Variants in NCK1 observed in about 807,000 individuals in gnomAD.
The protein encoded by NCK1 is SH2/SH3 adapter protein NCK1.
NCK1 carries 19 observed loss-of-function variants against 36.6 expected under a neutral mutation model. The ratio of observed to expected loss-of-function variants is 0.52; its 90% CI spans 0.36 to 0.76. The LOEUF is 0.76. Among genes scored for constraint, NCK1 ranks in the 30% least tolerant of loss-of-function variants. The pLI is 0.00. For synonymous variants in NCK1, 165 were observed against 156.0 expected (o/e 1.06, Z -0.43); for missense variants, 358 against 445.6 (o/e 0.80, Z 1.77).
intron 1 of NCK1, among the ~76,000 whole-genome samples, chr3:136,885,341 C>G (rs919656551): frequency 4.6e-5 from 7 of 152,142 alleles, no homozygotes; most frequent in East Asian, 3.9e-4. Flanking sequence ...CAGCTGTAAT[C>G]TAGGGCACAT....
At chr3:136,898,881 G>A (rs1348857009) in intron 1 of NCK1, among the ~76,000 whole-genome samples, 1 of 152,204 alleles carries the variant, frequency 6.6e-6, no homozygotes, top group Admixed American at 6.5e-5. Flanking sequence ...TTCTTACAAA[G>A]CTCTCATTGA....
rs555658096 is a variant in NCK1 at position 136,906,161 on chromosome 3, A to G, written c.-18-21823A>G. Among the ~76,000 whole-genome samples the G allele has an allele frequency of 1.7e-3, 258 of 152,222 alleles. 1 individual carries two copies. Among genetic ancestry groups the G allele is most frequent in the African/African-American group, 5.2e-3 (217 of 41,530 alleles). The stretch of plus-strand genomic sequence containing the variant: ...GGCTTTGATTCTAGGTATGTGTCAT[A>G]GTGTAGTCTCTGTGTGTTTTCTTTC... On this transcript the variant is annotated intron_variant, in intron 1 of 3. Coordinates refer to ENST00000481752, the MANE Select transcript of NCK1 (RefSeq NM_001291999.2).
At chr3:136,895,134 C>T (rs1939356897) in intron 1 of NCK1, among the ~76,000 whole-genome samples, 1 of 152,168 alleles carries the variant, frequency 6.6e-6, no homozygotes, top group Admixed American at 6.6e-5. Context: ...CTCGGCCTCC[C>T]AAAGTGCTAG....
intron 1 of NCK1, among the ~76,000 whole-genome samples, chr3:136,884,809 C>T (rs1051175336): frequency 1.3e-5 from 2 of 151,630 alleles, no homozygotes; most frequent in African/African-American, 2.4e-5. Flanking sequence ...CAACCTCTGC[C>T]TCTTGAGTTC....
At chr3:136,882,575 G>C (rs1466132802) in intron 1 of NCK1, among the ~76,000 whole-genome samples, 1 of 151,950 alleles carries the variant, frequency 6.6e-6, no homozygotes, top group African/African-American at 2.4e-5. Context: ...GTGTGTGTGT[G>C]TGTGTGTGTG....
intron 1 of NCK1, among the ~76,000 whole-genome samples, chr3:136,869,835 T>C (rs1222493180): frequency 6.6e-6 from 1 of 152,152 alleles, no homozygotes; most frequent in African/African-American, 2.4e-5. Flanking sequence ...TTTCTATTTG[T>C]TTAAATTATC....
intron 1 of NCK1, among the ~76,000 whole-genome samples, chr3:136,886,885 C>T (rs995515967): frequency 6.7e-6 from 1 of 150,162 alleles, no homozygotes; most frequent in African/African-American, 2.5e-5. Context: ...CTCTTATTGC[C>T]CAGGCTGGAA....
intron 1 of NCK1, among the ~76,000 whole-genome samples, chr3:136,901,330 G>A (rs1471424064): frequency 6.8e-6 from 1 of 146,892 alleles, no homozygotes; most frequent in East Asian, 2.0e-4. Flanking sequence ...TTATCTCTGT[G>A]TTCATTAGGG....
intron 1 of NCK1, among the ~76,000 whole-genome samples, chr3:136,884,718 C>CTTTTT (rs72234296): frequency 6.9e-6 from 1 of 145,096 alleles, no homozygotes; most frequent in Non-Finnish European, 1.5e-5. Context: ...CATGCCTGAG[C>CTTTTT]TTTTTTTTTT....
At chr3:136,926,969 A>T (rs1235255029) in intron 1 of NCK1, among the ~76,000 whole-genome samples, 1 of 151,744 alleles carries the variant, frequency 6.6e-6, no homozygotes, top group Non-Finnish European at 1.5e-5. Context: ...TAATGTTTGT[A>T]TTTATTTATT....
intron 1 of NCK1, among the ~76,000 whole-genome samples, chr3:136,875,826 C>G (rs925285344): frequency 1.3e-5 from 2 of 150,404 alleles, no homozygotes; most frequent in African/African-American, 4.9e-5. Context: ...ACAGAACTCT[C>G]CACCCCAAAT....
chr3:136,945,540 T>G (rs767549636), intron 2 of NCK1, 43 bp from the exon 3 acceptor site: 19 of 1,364,016 alleles, frequency 1.4e-5, no homozygotes, highest in Non-Finnish European at 1.8e-5. Flanking sequence ...TTGGTAATCA[T>G]TTTTTTATAT....
At chr3:136,872,834 T>C (rs1938664338) in intron 1 of NCK1, among the ~76,000 whole-genome samples, 1 of 152,158 alleles carries the variant, frequency 6.6e-6, no homozygotes, top group South Asian at 2.1e-4. Flanking sequence ...TTGGTGTTGA[T>C]GCTGCAATGT....
chr3:136,884,251 C>T (rs1455619220), intron 1 of NCK1, among the ~76,000 whole-genome samples: 2 of 152,006 alleles, frequency 1.3e-5, no homozygotes, highest in African/African-American at 4.8e-5. Context: ...GGTAAGGAAA[C>T]CAGCAGTTTC....
At chr3:136,889,540 C>T (rs7631017) in intron 1 of NCK1, among the ~76,000 whole-genome samples, 3 of 151,808 alleles carry the variant, frequency 2.0e-5, no homozygotes, top group Admixed American at 6.6e-5. Flanking sequence ...GAAGGGGACC[C>T]GAGCGGGTTG....
chr3:136,865,180 A>T lies in NCK1; in HGVS notation c.-19+2827A>T, dbSNP rs564106593. 2.7e-4 allele frequency among the ~76,000 whole-genome samples: 41 copies of T among 149,464 alleles called. No homozygotes were observed. In the Middle Eastern group the frequency reaches 0.011, roughly 39 times the overall value. ...ACCATCTTGGCCAGGCTGGTCTTGAACTCCTGACCTCGTGATCCACCTGCC... is the reference window on the plus strand; with the variant it reads ...ACCATCTTGGCCAGGCTGGTCTTGATCTCCTGACCTCGTGATCCACCTGCC... On this transcript the variant is annotated intron_variant, in intron 1 of 3. Coordinates refer to ENST00000481752, the MANE Select transcript of NCK1 (RefSeq NM_001291999.2).
chr3:136,923,228 T>TA (rs1159415068), intron 1 of NCK1, among the ~76,000 whole-genome samples: 28 of 151,012 alleles, frequency 1.9e-4, no homozygotes, highest in East Asian at 1.9e-4. Context: ...TTAAATTATT[T>TA]AAAAAAAAAT....
At chr3:136,940,270 T>G (rs556602832) in intron 2 of NCK1, among the ~76,000 whole-genome samples, 139 of 152,338 alleles carry the variant, frequency 9.1e-4, no homozygotes, top group African/African-American at 3.3e-3. Context: ...TGGGATATTC[T>G]CTATATGTCT....
At chr3:136,904,998 T>G (rs1050031188) in intron 1 of NCK1, among the ~76,000 whole-genome samples, 1 of 149,696 alleles carries the variant, frequency 6.7e-6, no homozygotes, top group African/African-American at 2.4e-5. Flanking sequence ...AATTCCTGTT[T>G]GGTTTTTCCT....
Sources: allele counts gnomAD v4.1 joint callset (sites outside exome capture counted in the v4.1 genomes callset), GRCh38; gene constraint gnomAD v4.1.1; transcripts MANE v1.5; gene names NCBI Gene and HGNC (gene_info 2026-07-23, HGNC 2026-07-21).